The following ITPR1 variants were observed in gnomAD, a reference collection of about 807,000 sequenced individuals.
ITPR1 encodes the protein inositol 1,4,5-trisphosphate-gated calcium channel ITPR1.
In ITPR1, 96 loss-of-function variants were observed where a neutral mutation model predicts 318.4. The ratio of observed to expected loss-of-function variants is 0.30; its 90% confidence interval spans 0.26 to 0.36. The LOEUF (loss-of-function observed/expected upper bound fraction) is 0.36, where lower values mean the gene tolerates loss of function less well. ITPR1 is among the 10% of genes least tolerant of loss of function. ITPR1 has a pLI of 1.00. For synonymous variants in ITPR1, 1,312 were observed against 1,289.9 expected (o/e 1.02, Z -0.37); for missense variants, 2,440 against 3,460.2 (o/e 0.71, Z 7.40).
chr3:4,697,600 T>C (rs997284517), intron 34 of ITPR1, among the ~76,000 whole-genome samples: 1 of 151,770 alleles, frequency 6.6e-6, no homozygotes, highest in African/African-American at 2.4e-5. Flanking sequence ...TACAGGCACC[T>C]GCCACCATGC....
chr3:4,635,501 C>A (rs747971760), intron 5 of ITPR1, among the ~76,000 whole-genome samples: 1 of 151,812 alleles, frequency 6.6e-6, no homozygotes. Flanking sequence ...CCACCACGCC[C>A]GGCTAATTTT....
rs188420437 is a variant in ITPR1 at position 4,826,705 on chromosome 3, G to A, written c.8028+8463G>A. 4.6e-5 allele frequency among the ~76,000 whole-genome samples: 7 copies of A among 152,244 alleles called. No homozygotes were observed. The highest frequency in any genetic ancestry group is 1.9e-4 in the East Asian group (1 of 5,182). The stretch of plus-strand genomic sequence containing the variant: ...GGAGGATGAAATCACCCCTTGTTCC[G>A]TGCAGCACTTCACTGGCACTTTCCT... On this transcript the variant is annotated intron_variant, in intron 60 of 61. Coordinates refer to ENST00000649015, the MANE Select transcript of ITPR1 (RefSeq NM_001378452.1). The surrounding 1 kb of genome is among the most constrained non-coding windows in gnomAD (Gnocchi z 4.2).
chr3:4,813,138 C>G lies in ITPR1; in HGVS notation c.7469-4C>G. On this transcript the variant is annotated splice_region_variant and splice_polypyrimidine_tract_variant and intron_variant, in intron 56 of 61. Coordinates refer to ENST00000649015, the MANE Select transcript of ITPR1 (RefSeq NM_001378452.1). The stretch of plus-strand genomic sequence containing the variant: ...TCATCATAAAATTTCCTTCTCTCTC[C>G]CAGAAACCGGCGAGAGTTTGGCAAG... The G allele has an allele frequency of 6.2e-7, 1 of 1,613,594 alleles. No homozygotes were observed. Among genetic ancestry groups the G allele is most frequent in the Non-Finnish European group, 8.5e-7 (1 of 1,179,600 alleles).
At chr3:4,725,763 A>G (rs775379750) in intron 41 of ITPR1, among the ~76,000 whole-genome samples, 182 bp downstream of exon 41, 5 of 152,098 alleles carry the variant, frequency 3.3e-5, no homozygotes, top group Admixed American at 1.3e-4. Context: ...CTCAGTGTAG[A>G]AAGTTCTGAG....
intron 4 of ITPR1, among the ~76,000 whole-genome samples, chr3:4,576,343 A>C (rs1455869845): frequency 1.3e-5 from 2 of 152,232 alleles, no homozygotes; most frequent in East Asian, 3.8e-4. Context: ...AACAAGTTAA[A>C]AATGTAGATT....
chr3:4,599,846 C>T (rs2686621), intron 4 of ITPR1, among the ~76,000 whole-genome samples: 144,058 of 152,214 alleles, frequency 0.95, 68,228 homozygotes, highest in Middle Eastern at 0.99. Context: ...GGTTGGAGTG[C>T]CAATATGTAG....
At chr3:4,814,774 G>A (rs2049182158) in intron 58 of ITPR1, 2 of 617,138 alleles carry the variant, frequency 3.2e-6, no homozygotes, top group African/African-American at 1.8e-5. Context: ...GTTGGCTTTG[G>A]CTCTCTGTTC....
At position 4,747,505 on chromosome 3, in the gene ITPR1, C is replaced by T. The variant is rs542452854; in HGVS notation, c.5544+12151C>T. ...TTTGCCAGGCAGATTGGAAGTTGTG[C>T]CTCCACATTTTGTTTTCTTTGGTAG... On this transcript the variant is annotated intron_variant, in intron 44 of 61. Coordinates refer to ENST00000649015, the MANE Select transcript of ITPR1 (RefSeq NM_001378452.1). Among the ~76,000 whole-genome samples the T allele has an allele frequency of 2.0e-5, 3 of 152,324 alleles. No homozygotes were observed. The South Asian group carries it at 6.2e-4, about 32-fold the overall frequency.
At chr3:4,678,425 T>C (rs1308041455) in intron 24 of ITPR1, among the ~76,000 whole-genome samples, 1 of 152,174 alleles carries the variant, frequency 6.6e-6, no homozygotes, top group Non-Finnish European at 1.5e-5. Context: ...CTTGGTCACA[T>C]CTTGAGGTCC....
chr3:4,523,611 C>G (rs1053463891), intron 4 of ITPR1, among the ~76,000 whole-genome samples: 4 of 152,008 alleles, frequency 2.6e-5, no homozygotes, highest in Non-Finnish European at 4.4e-5. Flanking sequence ...GACCACTGTT[C>G]CACTCTCTGT....
intron 54 of ITPR1, among the ~76,000 whole-genome samples, chr3:4,800,859 G>A (rs975137702): frequency 2.0e-5 from 3 of 152,310 alleles, no homozygotes; most frequent in Admixed American, 2.0e-4. Context: ...CAGGAGATAG[G>A]CAGAAAAAGT....
intron 43 of ITPR1, 28 bp from the exon 44 acceptor site, chr3:4,735,136 T>C: frequency 6.3e-7 from 1 of 1,582,714 alleles, no homozygotes; most frequent in Non-Finnish European, 8.7e-7. Flanking sequence ...TGATTGTGCT[T>C]AGTAAAAACA....
chr3:4,678,375 TG>T (rs2094226710), intron 24 of ITPR1, among the ~76,000 whole-genome samples: 1 of 152,176 alleles, frequency 6.6e-6, no homozygotes, highest in Non-Finnish European at 1.5e-5. Context: ...TGTTCCAAAG[TG>T]GTGTCTTGGA....
chr3:4,511,825 G>A (rs1365004684), intron 2 of ITPR1, among the ~76,000 whole-genome samples: 3 of 152,138 alleles, frequency 2.0e-5, no homozygotes, highest in Non-Finnish European at 4.4e-5. Flanking sequence ...CAGGAATTGC[G>A]GGGAGGATGG....
Position 4,826,750 on chromosome 3 carries a change from C to T in ITPR1, c.8028+8508C>T, listed in dbSNP as rs1243074359. Reference sequence around the variant, plus strand: ...TTTCCTTTCATTGTGAGGCACTTGGCGTTTGGGCCCCGGTTCTGCACTGAC... The same window carrying T: ...TTTCCTTTCATTGTGAGGCACTTGGTGTTTGGGCCCCGGTTCTGCACTGAC... On this transcript the variant is annotated intron_variant, in intron 60 of 61. Transcript: ENST00000649015. The surrounding 1 kb of genome is among the most constrained non-coding windows in gnomAD (Gnocchi z 4.2). 1.3e-5 allele frequency among the ~76,000 whole-genome samples: 2 copies of T among 152,176 alleles called. No individual in the cohort carries two copies. Among genetic ancestry groups the T allele is most frequent in the African/African-American group, 2.4e-5 (1 of 41,444 alleles).
At chr3:4,549,144 T>C (rs892717759) in intron 4 of ITPR1, among the ~76,000 whole-genome samples, 20 of 152,218 alleles carry the variant, frequency 1.3e-4, no homozygotes, top group African/African-American at 4.3e-4. Context: ...TGTAAATGTT[T>C]ACAAAGAAAC....
chr3:4,837,222 G>A (rs1437595525), intron 61 of ITPR1, among the ~76,000 whole-genome samples: 22 of 152,128 alleles, frequency 1.4e-4, no homozygotes, highest in Admixed American at 1.4e-3. Context: ...GACTACTTCA[G>A]TGAAGTACTG....
At chr3:4,591,654 G>C (rs1175538907) in intron 4 of ITPR1, among the ~76,000 whole-genome samples, 1 of 152,180 alleles carries the variant, frequency 6.6e-6, no homozygotes, top group African/African-American at 2.4e-5. Flanking sequence ...TCTTTGCCTT[G>C]AATTGGTTTT....
rs539442402 is a variant in ITPR1 at position 4,736,873 on chromosome 3, C to G, written c.5544+1519C>G. Among the ~76,000 whole-genome samples, 9 of 152,278 alleles carry G rather than the reference C, an allele frequency of 5.9e-5. 1 individual carries two copies. The South Asian group carries it at 1.9e-3, about 32-fold the overall frequency. On this transcript the variant is annotated intron_variant, in intron 44 of 61. Coordinates refer to ENST00000649015, the MANE Select transcript of ITPR1 (RefSeq NM_001378452.1). ...CCTTTCTGCGTATGTGCTGCTATAC[C>G]AGGGGCGATGATGGGGCAGTGGTTT... is the stretch of plus-strand genomic sequence containing the variant.
Sources: allele counts gnomAD v4.1 joint callset (sites outside exome capture counted in the v4.1 genomes callset), GRCh38; gene constraint gnomAD v4.1.1; non-coding constraint Gnocchi (gnomAD v3.1); transcripts MANE v1.5; gene names NCBI Gene and HGNC (gene_info 2026-07-23, HGNC 2026-07-21).